The following PSG5 variants were observed in gnomAD, a reference collection of about 807,000 sequenced individuals.
PSG5 encodes the protein pregnancy-specific beta-1-glycoprotein 5.
Under a neutral mutation model 37.7 loss-of-function variants are expected in PSG5, and 53 were observed. That is an observed-to-expected ratio of 1.41 (90% confidence interval 1.13 to 1.77). PSG5 has a LOEUF of 1.77. PSG5 is among the 40% of genes most tolerant of loss of function. The pLI is 0.00. For missense variants in PSG5, 547 were observed against 405.2 expected (o/e 1.35, Z -3.00); for synonymous variants, 221 against 155.4 (o/e 1.42, Z -3.14).
At chr19:43,173,595 T>C (rs566194872) in intron 4 of PSG5, among the ~76,000 whole-genome samples, 1 of 151,744 alleles carries the variant, frequency 6.6e-6, no homozygotes, top group Non-Finnish European at 1.5e-5. Context: ...AATAAGCCCA[T>C]GCAAAGTTCC....
chr19:43,176,049 G>A lies in PSG5; in HGVS notation c.530C>T (p.Thr177Ile). The A allele has an allele frequency of 5.0e-6, 8 of 1,611,072 alleles. No homozygotes were observed. Among genetic ancestry groups the A allele is most frequent in the Non-Finnish European group, 6.8e-6 (8 of 1,179,216 alleles). Residue 177 changes from threonine to isoleucine, a missense_variant, in exon 3 of 6, where the codon ACC becomes ATC. Thr to Ile is a moderately conservative substitution (Grantham distance 89, BLOSUM62 -1). Coordinates refer to ENST00000342951, the MANE Select transcript of PSG5 (RefSeq NM_002781.4). Reference protein sequence around the residue: ...FTCEPKSENYTYIWWLNGQSL... With the variant: ...FTCEPKSENYIYIWWLNGQSL... ...CTGACCATTTAGCCACCAAATGTAG[G>A]TGTAGTTCTCACTCTTAGGTTCACA... is the stretch of plus-strand genomic sequence containing the variant.
chr19:43,183,133 C>A, intron 2 of PSG5: 1 of 239,712 alleles, frequency 4.2e-6, no homozygotes, highest in Non-Finnish European at 8.3e-6. Context: ...TGGCAGTGAG[C>A]AGTGAGGGAG....
chr19:43,177,004 G>T (rs1444842605), intron 2 of PSG5, among the ~76,000 whole-genome samples: 1 of 151,788 alleles, frequency 6.6e-6, no homozygotes, highest in African/African-American at 2.4e-5. Flanking sequence ...GGAATGAACT[G>T]CTGGAAATCT....
Position 43,186,507 on chromosome 19 carries a change from G to T in PSG5, c.-102C>A. On this transcript the variant is annotated 5_prime_UTR_variant, in exon 1 of 6. Coordinates refer to ENST00000342951, the MANE Select transcript of PSG5 (RefSeq NM_002781.4). ...GTGCTGTCCTTCCTCCTTCTGTGCT[G>T]AGCCTCTCTCCAGGGCAGGAGCACT... is the stretch of plus-strand genomic sequence containing the variant. 1 of 1,556,460 alleles carries T rather than the reference G, an allele frequency of 6.4e-7. No homozygotes were observed. Among genetic ancestry groups the T allele is most frequent in the Non-Finnish European group, 8.7e-7 (1 of 1,147,758 alleles).
rs142294164 is a variant in PSG5 at position 43,179,193 on chromosome 19, G to A, written c.431-3045C>T. 3.8e-6 allele frequency: 6 copies of A among 1,560,938 alleles called. No homozygotes were observed. The South Asian group carries it at 5.7e-5, about 15-fold the overall frequency. The stretch of plus-strand genomic sequence containing the variant: ...AACAGAGAGAAGATTGCCCTGTGTG[G>A]CACCTTTGATTCCTCCAAAGGCACT... On this transcript the variant is annotated intron_variant, in intron 2 of 5. Coordinates refer to ENST00000342951, the MANE Select transcript of PSG5 (RefSeq NM_002781.4).
rs987032955 is a variant in PSG5 at position 43,182,702 on chromosome 19, A to G, written c.430+2080T>C. 9.0e-3 allele frequency among the ~76,000 whole-genome samples: 507 copies of G among 56,070 alleles called. 18 individuals are homozygous for G. The highest frequency in any genetic ancestry group is 0.038 in the African/African-American group (479 of 12,754). 36.8% of individuals were successfully genotyped at this position (56,070 alleles called of 152,430 possible). The stretch of plus-strand genomic sequence containing the variant: ...TTCTTGACTAGAAACCAACATTTCA[A>G]TAATTTTTTTTTTTTTTTTTTGTGC... On this transcript the variant is annotated intron_variant, in intron 2 of 5. Transcript: ENST00000342951.
intron 2 of PSG5, chr19:43,178,953 G>A: frequency 1.1e-5 from 18 of 1,612,856 alleles, no homozygotes; most frequent in Non-Finnish European, 1.5e-5. Context: ...ATAGGGTCCT[G>A]CAATATACTT....
At chr19:43,184,644 G>T (rs1448996103) in intron 2 of PSG5, 138 bp downstream of exon 2, 4 of 1,500,764 alleles carry the variant, frequency 2.7e-6, no homozygotes, top group Non-Finnish European at 3.7e-6. Flanking sequence ...TGTGTGTCCT[G>T]CACTAAATGC....
At chr19:43,185,778 G>A (rs1568377538) in intron 1 of PSG5, among the ~76,000 whole-genome samples, 1 of 151,060 alleles carries the variant, frequency 6.6e-6, no homozygotes, top group Non-Finnish European at 1.5e-5. Context: ...GCTGAGGACA[G>A]TGTTTCATGT....
intron 2 of PSG5, among the ~76,000 whole-genome samples, chr19:43,179,393 C>T (rs1261443228): frequency 1.3e-5 from 2 of 151,602 alleles, no homozygotes; most frequent in Non-Finnish European, 1.5e-5. Flanking sequence ...TGAGCAGCAG[C>T]ATTGGGTCAT....
chr19:43,181,969 C>A (rs906132502), intron 2 of PSG5, among the ~76,000 whole-genome samples: 1 of 151,612 alleles, frequency 6.6e-6, no homozygotes, highest in African/African-American at 2.4e-5. Context: ...GGACTGCAGG[C>A]CTGTCCAGCC....
chr19:43,178,985 G>T, intron 2 of PSG5: 1 of 1,612,706 alleles, frequency 6.2e-7, no homozygotes, highest in Non-Finnish European at 8.5e-7. Context: ...ATATAAAGAG[G>T]GTCCTGTTGG....
chr19:43,181,256 C>G (rs1969122077), intron 2 of PSG5, among the ~76,000 whole-genome samples: 1 of 151,618 alleles, frequency 6.6e-6, no homozygotes, highest in South Asian at 2.1e-4. Context: ...TTGTCCACAA[C>G]TACAAAATTT....
At chr19:43,178,039 G>A (rs751864625) in intron 2 of PSG5, among the ~76,000 whole-genome samples, 3 of 151,570 alleles carry the variant, frequency 2.0e-5, no homozygotes, top group Non-Finnish European at 2.9e-5. Flanking sequence ...TTAGTGTATA[G>A]CCTAAAGAAT....
In PSG5 at chr19:43,186,399, G is replaced by A. The variant is rs111780366; in HGVS notation, c.7C>T (p.Pro3Ser). 4 of 1,612,246 alleles carry A rather than the reference G, an allele frequency of 2.5e-6. No homozygotes were observed. Among genetic ancestry groups the A allele is most frequent in the Admixed American group, 3.3e-5 (2 of 59,878 alleles). The change falls in exon 1 of 6, where the codon CCC (proline) becomes TCC (serine). Residue 3 changes from proline (P) to serine (S), a missense_variant. Physicochemically the swap from Pro to Ser is moderately conservative, Grantham distance 74. Transcript: ENST00000342951. The part of the protein sequence containing the change: MG[P>S]LSAPPCTQHI... The stretch of plus-strand genomic sequence containing the variant: ...TGTGTGCAGGGAGGGGCTGAGAGGG[G>A]CCCCATGGTCTCTGCGCCTGCGTGT...
chr19:43,185,232 T>C, intron 1 of PSG5, 85 bp from the exon 2 acceptor site: 4 of 1,442,070 alleles, frequency 2.8e-6, no homozygotes, highest in Non-Finnish European at 3.8e-6. Context: ...AGAAGGTCTC[T>C]TCAATCCTCA....
chr19:43,171,593 C>T, intron 4 of PSG5: 2 of 493,244 alleles, frequency 4.1e-6, no homozygotes, highest in Non-Finnish European at 3.2e-6. Context: ...GTTGATTCTT[C>T]AAAATAAAAT....
At chr19:43,170,437 C>A (rs1455705556) in intron 4 of PSG5, 7 of 446,236 alleles carry the variant, frequency 1.6e-5, no homozygotes, top group Admixed American at 1.2e-4. Flanking sequence ...AACTTACCAC[C>A]TTTTCACCTT....
chr19:43,177,311 C>T (rs1011806058), intron 2 of PSG5, among the ~76,000 whole-genome samples: 1 of 145,386 alleles, frequency 6.9e-6, no homozygotes, highest in Non-Finnish European at 1.6e-5. Context: ...TTGAGTATTT[C>T]TTATGCATAA....
Sources: gnomAD v4.1 joint callset for allele counts (sites outside exome capture counted in the v4.1 genomes callset) on GRCh38, gnomAD v4.1.1 for gene constraint, MANE v1.5 for transcripts, NCBI Gene and HGNC (gene_info 2026-07-23, HGNC 2026-07-21) for gene names.